DRC1: variants seen among roughly 807,000 people sequenced by gnomAD.
DRC1 encodes the protein dynein regulatory complex subunit 1.
Under a neutral mutation model 98.7 loss-of-function variants are expected in DRC1, and 74 were observed. That is an observed-to-expected ratio of 0.75 (90% CI 0.62 to 0.91). The LOEUF (loss-of-function observed/expected upper bound fraction) is 0.91, where lower values mean the gene tolerates loss of function less well. Among genes scored for constraint, DRC1 ranks in the 40% least tolerant of loss-of-function variants. The pLI is 0.00. For synonymous variants in DRC1, 336 were observed against 334.1 expected, an observed-to-expected ratio of 1.01 and a Z score of -0.06; for missense variants, 875 against 886.0, an observed-to-expected ratio of 0.99 and a Z score of 0.16.
rs1458633246 is a variant in DRC1 at position 26,405,660 on chromosome 2, T to A, written c.155+3516T>A. 9.0e-3 allele frequency among the ~76,000 whole-genome samples: 1,234 copies of A among 137,392 alleles called. 20 individuals carry two copies. Among genetic ancestry groups the A allele is most frequent in the African/African-American group, 0.031 (1,160 of 36,834 alleles). The allele number at this position is 137,392 out of a possible 152,430, so 90.1% of individuals were successfully genotyped here. Reference sequence around the variant, plus strand: ...TTTTTTTAAAGGCTATATCTTTTTTTTTTTTTTTTTTTTTTTTGAGGCCGA... The same window carrying A: ...TTTTTTTAAAGGCTATATCTTTTTTATTTTTTTTTTTTTTTTTGAGGCCGA... On this transcript the variant is annotated intron_variant, in intron 1 of 16. Coordinates refer to ENST00000288710, the MANE Select transcript of DRC1 (RefSeq NM_145038.5).
chr2:26,438,257 A>T (rs745451356), intron 7 of DRC1, among the ~76,000 whole-genome samples: 1 of 152,180 alleles, frequency 6.6e-6, no homozygotes, highest in African/African-American at 2.4e-5. Context: ...ACACGCCAAC[A>T]TTAACAGAAG....
In DRC1 at chr2:26,444,735, G is replaced by C; in HGVS notation, c.1183G>C (p.Asp395His). Reference protein sequence around the residue: ...KAMRHFALIDDEKFWEIWLMN... With the variant: ...KAMRHFALIDHEKFWEIWLMN... ...TCACAGGCATTTTGCTCTTATTGAT[G>C]ATGAGAAGTTTTGGGAGATTTGGCT... Residue 395 changes from aspartate to histidine, a missense_variant, in exon 10 of 17, where the codon GAT (aspartate) becomes CAT (histidine). Transcript: ENST00000288710. 1 of 1,614,148 alleles carries C rather than the reference G, an allele frequency of 6.2e-7. No individual in the cohort carries two copies. The highest frequency in any genetic ancestry group is 8.5e-7 in the Non-Finnish European group (1 of 1,180,030).
intron 8 of DRC1, among the ~76,000 whole-genome samples, chr2:26,443,478 C>A (rs1012938649): frequency 1.3e-5 from 2 of 152,218 alleles, no homozygotes; most frequent in African/African-American, 4.8e-5. Flanking sequence ...CCCTCCCCTG[C>A]AAGCCTGGGT....
chr2:26,452,843 G>A lies in DRC1; in HGVS notation c.1690-477G>A, dbSNP rs1290357881. On this transcript the variant is annotated intron_variant, in intron 13 of 16. Transcript: ENST00000288710. ...CAAAACGAGAAGGAGGAGTATATATGGAAAGGTATGCGCATGTATTTATAT... is the reference window on the plus strand; with the variant it reads ...CAAAACGAGAAGGAGGAGTATATATAGAAAGGTATGCGCATGTATTTATAT... Among the ~76,000 whole-genome samples the A allele has an allele frequency of 2.6e-5, 4 of 152,064 alleles. No individual in the cohort carries two copies. The East Asian group carries it at 7.7e-4, about 29-fold the overall frequency.
chr2:26,420,490 C>A (rs1208345287), intron 2 of DRC1, among the ~76,000 whole-genome samples: 1 of 152,182 alleles, frequency 6.6e-6, no homozygotes, highest in Non-Finnish European at 1.5e-5. Context: ...ACTTGGAGAT[C>A]TGCTGGGGAC....
chr2:26,402,060 C>G lies in DRC1; in HGVS notation c.71C>G (p.Ala24Gly). Residue 24 changes from alanine to glycine, a missense_variant, in exon 1 of 17, where the codon GCG (alanine) becomes GGG (glycine). Transcript: ENST00000288710. ...VDEHLSTQIL[A>G]PSVHSDNSQE... The stretch of plus-strand genomic sequence containing the variant: ...GAGCACTTGTCCACCCAGATTCTCG[C>G]GCCCTCGGTCCACTCCGACAACTCT... 1 of 1,613,406 alleles carries G rather than the reference C, an allele frequency of 6.2e-7. No individual in the cohort carries two copies. The highest frequency in any genetic ancestry group is 1.3e-5 in the African/African-American group (1 of 75,050).
At chr2:26,434,687 C>T (rs1161778236) in intron 7 of DRC1, among the ~76,000 whole-genome samples, 5 of 152,014 alleles carry the variant, frequency 3.3e-5, no homozygotes, top group Admixed American at 2.6e-4. Flanking sequence ...GTCGGGAGAT[C>T]GAGATCATCC....
chr2:26,450,483 C>A, intron 12 of DRC1, 109 bp from the exon 13 acceptor site: 1 of 913,908 alleles, frequency 1.1e-6, no homozygotes, highest in Non-Finnish European at 1.7e-6. Context: ...TGGATGAATG[C>A]CCTCCACAAG....
At chr2:26,408,681 G>A (rs1239442567) in intron 1 of DRC1, among the ~76,000 whole-genome samples, 2 of 152,144 alleles carry the variant, frequency 1.3e-5, no homozygotes, top group African/African-American at 4.8e-5. Context: ...TGAGGCACGA[G>A]AATTGCTTGA....
In DRC1 at chr2:26,420,752, T is replaced by C. The variant is rs560872901; in HGVS notation, c.244-536T>C. Reference sequence around the variant, plus strand: ...TTTTCTTTCTCTTTTTCTTTTTTCTTTCTTTTTCTTCTTCTTTTTTTTTTT... The same window carrying C: ...TTTTCTTTCTCTTTTTCTTTTTTCTCTCTTTTTCTTCTTCTTTTTTTTTTT... On this transcript the variant is annotated intron_variant, in intron 2 of 16. Transcript: ENST00000288710. 1.0e-3 allele frequency among the ~76,000 whole-genome samples: 130 copies of C among 128,040 alleles called. 1 individual carries two copies. The highest frequency in any genetic ancestry group is 3.3e-3 in the African/African-American group (127 of 38,696). The allele number at this position is 128,040 out of a possible 152,430, so 84.0% of individuals were successfully genotyped here.
rs78024395 is a variant in DRC1, at chr2:26,415,785, G to A, written c.243+1354G>A. On this transcript the variant is annotated intron_variant, in intron 2 of 16. Coordinates refer to ENST00000288710, the MANE Select transcript of DRC1 (RefSeq NM_145038.5). ...CGTCTCTACTAAAAATACAGAAGTT[G>A]GCTGGGCCTGGTGGCACACGCCTGG... Among the ~76,000 whole-genome samples, 731 of 152,152 alleles carry A rather than the reference G, an allele frequency of 4.8e-3. 9 individuals carry two copies. The highest frequency in any genetic ancestry group is 0.016 in the African/African-American group (684 of 41,522).
At chr2:26,436,122 T>G (rs1313209364) in intron 7 of DRC1, among the ~76,000 whole-genome samples, 1 of 151,606 alleles carries the variant, frequency 6.6e-6, no homozygotes, top group Admixed American at 6.6e-5. Flanking sequence ...CAGCATCTCC[T>G]GTTTCTTTTT....
intron 1 of DRC1, among the ~76,000 whole-genome samples, chr2:26,407,786 T>C (rs1180705687): frequency 6.6e-6 from 1 of 152,152 alleles, no homozygotes; most frequent in Non-Finnish European, 1.5e-5. Context: ...CCTGGACTTG[T>C]GCCCTAAGCA....
At chr2:26,409,312 T>C (rs551920630) in intron 1 of DRC1, among the ~76,000 whole-genome samples, 5 of 152,326 alleles carry the variant, frequency 3.3e-5, no homozygotes, top group South Asian at 2.1e-4. Context: ...TGACACCATA[T>C]TACAAGCTTC....
chr2:26,450,488 C>A, intron 12 of DRC1, 104 bp from the exon 13 acceptor site: 1 of 1,037,450 alleles, frequency 9.6e-7, no homozygotes, highest in Non-Finnish European at 1.4e-6. Flanking sequence ...GAATGCCCTC[C>A]ACAAGCCAAG....
At chr2:26,432,535 A>G (rs1365012032) in intron 7 of DRC1, among the ~76,000 whole-genome samples, 1 of 151,656 alleles carries the variant, frequency 6.6e-6, no homozygotes, top group East Asian at 1.9e-4. Flanking sequence ...AGAGAGAAAA[A>G]GAAAGAAAGA....
At chr2:26,443,641 C>A (rs977268213) in intron 8 of DRC1, among the ~76,000 whole-genome samples, 4 of 152,182 alleles carry the variant, frequency 2.6e-5, no homozygotes, top group African/African-American at 9.7e-5. Flanking sequence ...TCATCTTTGT[C>A]TTTCAACATA....
At chr2:26,430,534 A>AT (rs1241564956) in intron 5 of DRC1, 2 of 570,962 alleles carry the variant, frequency 3.5e-6, no homozygotes, top group African/African-American at 3.7e-5. Flanking sequence ...CCTGCCTCTG[A>AT]TATTGACTAA....
At chr2:26,422,016 G>C (rs1046724274) in intron 3 of DRC1, among the ~76,000 whole-genome samples, 1 of 152,172 alleles carries the variant, frequency 6.6e-6, no homozygotes, top group Non-Finnish European at 1.5e-5. Flanking sequence ...TGGTAAAATA[G>C]ATAATGTGTA....
Sources: gnomAD v4.1 joint callset for allele counts (sites outside exome capture counted in the v4.1 genomes callset) on GRCh38, gnomAD v4.1.1 for gene constraint, MANE v1.5 for transcripts, NCBI Gene and HGNC (gene_info 2026-07-23, HGNC 2026-07-21) for gene names.